Variants in ZNF383 observed in about 807,000 individuals in gnomAD.
ZNF383 encodes the protein zinc finger protein 383.
ZNF383 carries 32 observed loss-of-function variants against 44.2 expected under a neutral mutation model. The ratio of observed to expected loss-of-function variants is 0.72; its 90% confidence interval spans 0.55 to 0.97. The LOEUF (loss-of-function observed/expected upper bound fraction) is 0.97. Among genes scored for constraint, ZNF383 ranks in the 50% least tolerant of loss-of-function variants. The probability of loss-of-function intolerance (pLI) is 0.00; values close to 1 mark genes in which losing one functional copy is unlikely to be tolerated. For missense variants in ZNF383, 487 were observed against 562.5 expected, an observed-to-expected ratio of 0.87 and a Z score of 1.36; for synonymous variants, 155 against 186.2, an observed-to-expected ratio of 0.83 and a Z score of 1.36.
At chr19:37,223,401 A>T (rs761431030) in intron 1 of ZNF383, among the ~76,000 whole-genome samples, 3 of 152,184 alleles carry the variant, frequency 2.0e-5, no homozygotes, top group Non-Finnish European at 4.4e-5. Context: ...ACAAGAAGAT[A>T]ATTGGAAATA....
At chr19:37,225,119 G>A (rs1973098281) in intron 2 of ZNF383, 180 bp downstream of exon 2, 1 of 150,252 alleles carries the variant, frequency 6.7e-6, no homozygotes, top group African/African-American at 2.5e-5. Context: ...TTTTTGAGAT[G>A]AGTTTTGATC....
intron 5 of ZNF383, among the ~76,000 whole-genome samples, chr19:37,237,203 A>G (rs1973858088): frequency 6.6e-6 from 1 of 152,192 alleles, no homozygotes; most frequent in Admixed American, 6.5e-5. Flanking sequence ...GCTAAAATAT[A>G]TACATATATG....
In ZNF383 at chr19:37,232,017, C is replaced by A. The variant is rs1204893972; in HGVS notation, c.9+1555C>A. Among the ~76,000 whole-genome samples, 4 of 151,742 alleles carry A rather than the reference C, an allele frequency of 2.6e-5. No homozygotes were observed. In the South Asian group the frequency reaches 6.2e-4, roughly 24 times the overall value. ...TTGTTTTGGTCAGATAAATTATTGA[C>A]AAAACTAATTAGTATTTTTTTATAA... is the stretch of plus-strand genomic sequence containing the variant. On this transcript the variant is annotated intron_variant, in intron 3 of 5. Transcript: ENST00000684119.
chr19:37,241,609 T>G (rs778767630), intron 5 of ZNF383, among the ~76,000 whole-genome samples: 9 of 152,064 alleles, frequency 5.9e-5, no homozygotes, highest in Non-Finnish European at 1.2e-4. Context: ...CTCTCTACAC[T>G]TCTCAGAGGT....
At chr19:37,225,448 T>C (rs534947445) in intron 2 of ZNF383, among the ~76,000 whole-genome samples, 17 of 152,270 alleles carry the variant, frequency 1.1e-4, no homozygotes, top group African/African-American at 3.9e-4. Flanking sequence ...GTACAATAGA[T>C]CTTTAGAACT....
Position 37,235,658 on chromosome 19 carries a change from G to A in ZNF383, c.119G>A (p.Gly40Asp). 6.2e-7 allele frequency: 1 copy of A among 1,611,084 alleles called. No homozygotes were observed. The highest frequency in any genetic ancestry group is 2.2e-5 in the East Asian group (1 of 44,846). The change falls in exon 4 of 6, where the codon GGC (glycine) becomes GAC (aspartate). Residue 40 changes from glycine to aspartate, a missense_variant. Physicochemically the swap from Gly to Asp is moderately conservative, Grantham distance 94 (BLOSUM62 -1). Transcript: ENST00000684119. Reference sequence around the variant, plus strand: ...AGAGATGTGATGTTGGAGAACTACGGCAATCTGGTTTCAATGGGTAAGGGC... The same window carrying A: ...AGAGATGTGATGTTGGAGAACTACGACAATCTGGTTTCAATGGGTAAGGGC... ...LYRDVMLENYGNLVSMGLYTP... is the reference protein window; with the variant it reads ...LYRDVMLENYDNLVSMGLYTP...
intron 1 of ZNF383, among the ~76,000 whole-genome samples, chr19:37,222,208 G>A (rs990570040): frequency 6.6e-6 from 1 of 151,002 alleles, no homozygotes; most frequent in Admixed American, 6.6e-5. Context: ...ATGATGCTTG[G>A]CTTCTTTTGC....
intron 5 of ZNF383, among the ~76,000 whole-genome samples, chr19:37,240,799 T>A (rs553096685): frequency 1.1e-4 from 17 of 152,258 alleles, no homozygotes; most frequent in African/African-American, 3.9e-4. Context: ...AACCCGCTGT[T>A]ACCAATTCCT....
chr19:37,234,919 C>T (rs1231315849), intron 3 of ZNF383, among the ~76,000 whole-genome samples: 2 of 152,048 alleles, frequency 1.3e-5, no homozygotes, highest in East Asian at 1.9e-4. Context: ...TTGTGGATTT[C>T]GTGAAATCAG....
chr19:37,227,617 G>T, intron 2 of ZNF383: 1 of 152,822 alleles, frequency 6.5e-6, no homozygotes, highest in South Asian at 1.9e-4. Context: ...AAGACAGCTG[G>T]GCCTGAGGGA....
intron 3 of ZNF383, among the ~76,000 whole-genome samples, chr19:37,231,929 A>AT (rs1973506076): frequency 6.6e-6 from 1 of 152,072 alleles, no homozygotes; most frequent in Admixed American, 6.6e-5. Flanking sequence ...AATTTTATGA[A>AT]TTTTTTCAGA....
intron 3 of ZNF383, among the ~76,000 whole-genome samples, chr19:37,234,179 A>G (rs926022384): frequency 3.9e-5 from 6 of 152,040 alleles, no homozygotes; most frequent in African/African-American, 1.4e-4. Flanking sequence ...CTATTTTATT[A>G]AATAGGTGCC....
rs948410171 is a variant in ZNF383 at position 37,247,349 on chromosome 19, TAAAC to T, written c.*3688_*3691del. On this transcript the variant is annotated 3_prime_UTR_variant, in exon 6 of 6. Coordinates refer to ENST00000684119, the MANE Select transcript of ZNF383 (RefSeq NM_001387601.1). ...CCAGAGGTGAAATAAGGATGACAAATAAACAATATTGTATATGAGAAATTGAAAT... is the reference window on the plus strand; with the variant it reads ...CCAGAGGTGAAATAAGGATGACAAATAATATTGTATATGAGAAATTGAAAT... 5.9e-5 allele frequency: 9 copies of T among 152,086 alleles called. No individual in the cohort carries two copies. Among genetic ancestry groups the T allele is most frequent in the African/African-American group, 2.2e-4 (9 of 41,418 alleles). 9.4% of individuals were successfully genotyped at this position (152,086 alleles called of 1,614,324 possible).
chr19:37,240,157 CAA>C (rs11296804), intron 5 of ZNF383, among the ~76,000 whole-genome samples: 200 of 138,478 alleles, frequency 1.4e-3, no homozygotes, highest in Non-Finnish European at 1.2e-3. Context: ...CACTGCGTTT[CAA>C]AAAAAAAAAA....
At chr19:37,220,631 A>G (rs1972879570) in intron 1 of ZNF383, among the ~76,000 whole-genome samples, 1 of 151,040 alleles carries the variant, frequency 6.6e-6, no homozygotes, top group South Asian at 2.1e-4. Context: ...ATAGATGTAT[A>G]GTTTAAGAAG....
At chr19:37,228,641 A>G (rs1375372295) in intron 2 of ZNF383, among the ~76,000 whole-genome samples, 2 of 151,828 alleles carry the variant, frequency 1.3e-5, no homozygotes, top group Non-Finnish European at 2.9e-5. Context: ...ACTGCAGTGA[A>G]TCCCCTTTTC....
rs149625221 is a variant in ZNF383 at position 37,242,947 on chromosome 19, T to C, written c.711T>C (p.Cys237=). Residue 237 remains cysteine (C), a synonymous_variant, in exon 6 of 6, where the codon TGT becomes TGC. Transcript: ENST00000684119. ...ECKECGKAFS[C]SSYLSQHQRI... ...AGGAATGTGGAAAGGCCTTCAGTTG[T>C]AGCTCATACCTTTCTCAACATCAGA... The C allele has an allele frequency of 5.0e-6, 8 of 1,613,816 alleles. No homozygotes were observed. The highest frequency in any genetic ancestry group is 6.8e-6 in the Non-Finnish European group (8 of 1,179,964).
chr19:37,240,374 A>AC (rs1295821742), intron 5 of ZNF383, among the ~76,000 whole-genome samples: 2 of 152,038 alleles, frequency 1.3e-5, no homozygotes, highest in Non-Finnish European at 2.9e-5. Flanking sequence ...TTTTCCTGTA[A>AC]CCCCCCAGTA....
intron 5 of ZNF383, among the ~76,000 whole-genome samples, chr19:37,241,957 GTA>G (rs1180916027): frequency 2.9e-5 from 4 of 139,174 alleles, no homozygotes; most frequent in African/African-American, 5.3e-5. Flanking sequence ...ATCTATATAA[GTA>G]TATATATACT....
Sources: allele counts gnomAD v4.1 joint callset (sites outside exome capture counted in the v4.1 genomes callset), GRCh38; gene constraint gnomAD v4.1.1; transcripts MANE v1.5; gene names NCBI Gene and HGNC (gene_info 2026-07-23, HGNC 2026-07-21).